Variants in PTPRG observed in about 807,000 individuals in gnomAD.
The protein encoded by PTPRG is receptor-type tyrosine-protein phosphatase gamma.
In PTPRG, 102 loss-of-function variants were observed where a neutral mutation model predicts 165.3. The observed-to-expected ratio is 0.62, with a 90% CI of 0.53 to 0.73. The LOEUF is 0.73. Among genes scored for constraint, PTPRG ranks in the 30% least tolerant of loss-of-function variants. The pLI, the probability that PTPRG is intolerant of heterozygous loss-of-function variation, is 0.00. For synonymous variants in PTPRG, 675 were observed against 669.5 expected (o/e 1.01, Z -0.13); for missense variants, 1,866 against 1,861.4 (o/e 1.00, Z -0.05).
intron 4 of PTPRG, among the ~76,000 whole-genome samples, chr3:62,056,715 G>T (rs1700647398): frequency 1.3e-5 from 2 of 152,120 alleles, no homozygotes. Context: ...TGTCCCCTGG[G>T]GTAATTACGA....
At chr3:61,982,031 A>G (rs1253803353) in intron 2 of PTPRG, among the ~76,000 whole-genome samples, 4 of 152,120 alleles carry the variant, frequency 2.6e-5, no homozygotes, top group Non-Finnish European at 4.4e-5. Flanking sequence ...CACCTTGCCC[A>G]GTGCTCTTTG....
At chr3:61,853,803 C>T (rs112721404) in intron 2 of PTPRG, among the ~76,000 whole-genome samples, 39 of 152,296 alleles carry the variant, frequency 2.6e-4, no homozygotes, top group African/African-American at 9.4e-4. Context: ...TTTGTTTTCT[C>T]CTCCAAGTTG....
intron 1 of PTPRG, among the ~76,000 whole-genome samples, chr3:61,566,469 AGCCTCTCC>A (rs534227576): frequency 8.5e-5 from 13 of 152,178 alleles, no homozygotes; most frequent in South Asian, 4.1e-4. Flanking sequence ...GTTACTCAGG[AGCCTCTCC>A]TACTCCCTTG....
At chr3:61,867,993 T>C (rs908378556) in intron 2 of PTPRG, among the ~76,000 whole-genome samples, 1 of 152,176 alleles carries the variant, frequency 6.6e-6, no homozygotes, top group African/African-American at 2.4e-5. Flanking sequence ...GTGTTCCTTA[T>C]AACCTTGGCC....
At chr3:61,963,062 G>A (rs704341) in intron 2 of PTPRG, among the ~76,000 whole-genome samples, 17,000 of 151,908 alleles carry the variant, frequency 0.11, 1,098 homozygotes, top group Non-Finnish European at 0.15. Flanking sequence ...ATTAGTTTTC[G>A]TTTATCCTTC....
At chr3:61,836,217 A>T (rs915533344) in intron 2 of PTPRG, among the ~76,000 whole-genome samples, 4 of 152,140 alleles carry the variant, frequency 2.6e-5, no homozygotes, top group Admixed American at 6.5e-5. Context: ...TTCTCTTTCC[A>T]AACCATTGTT....
rs561924711 is a variant in PTPRG at position 61,789,981 on chromosome 3, G to A, written c.190+40999G>A. Among the ~76,000 whole-genome samples, 37 of 152,338 alleles carry A rather than the reference G, an allele frequency of 2.4e-4. No homozygotes were observed. The Middle Eastern group carries it at 0.01, about 42-fold the overall frequency. ...CACATGATTTAGTGCTTCATTTTCA[G>A]CAGCTGTTTCCTGGTACCATCAGGG... On this transcript the variant is annotated intron_variant, in intron 2 of 29. Coordinates refer to ENST00000474889, the MANE Select transcript of PTPRG (RefSeq NM_002841.4).
chr3:61,935,976 A>G (rs570128907), intron 2 of PTPRG, among the ~76,000 whole-genome samples: 5 of 152,198 alleles, frequency 3.3e-5, no homozygotes, highest in Non-Finnish European at 5.9e-5. Flanking sequence ...GGTCATGAGG[A>G]CTTTGCCCTC....
chr3:62,088,673 A>T (rs918382623), intron 5 of PTPRG, among the ~76,000 whole-genome samples: 1 of 152,246 alleles, frequency 6.6e-6, no homozygotes, highest in African/African-American at 2.4e-5. Flanking sequence ...AAAAGTAAAC[A>T]GAGGTAAGAA....
At chr3:62,265,896 T>TATATACACACACACACACACAC (rs1553662684) in intron 17 of PTPRG, among the ~76,000 whole-genome samples, 3,417 of 130,546 alleles carry the variant, frequency 0.026, 68 homozygotes, top group East Asian at 0.038. Context: ...GTGCCTTATA[T>TATATACACACACACACACACAC]ACACACACAC....
intron 20 of PTPRG, among the ~76,000 whole-genome samples, chr3:62,270,110 A>C (rs2148871012): frequency 6.6e-6 from 1 of 152,310 alleles, no homozygotes; most frequent in Middle Eastern, 3.4e-3. Flanking sequence ...TGTATTAAGA[A>C]CTGTAAATAG....
At chr3:61,971,120 T>C (rs1439544732) in intron 2 of PTPRG, among the ~76,000 whole-genome samples, 5 of 152,198 alleles carry the variant, frequency 3.3e-5, no homozygotes, top group Non-Finnish European at 7.3e-5. Context: ...TGGTGCAATC[T>C]CAGCCAACTG....
At chr3:61,775,707 GA>G (rs1414758494) in intron 2 of PTPRG, among the ~76,000 whole-genome samples, 4 of 152,034 alleles carry the variant, frequency 2.6e-5, no homozygotes, top group African/African-American at 9.7e-5. Context: ...ACTGGATTAA[GA>G]AAATGTGGCA....
At chr3:61,580,644 A>G (rs573685666) in intron 1 of PTPRG, among the ~76,000 whole-genome samples, 1 of 152,284 alleles carries the variant, frequency 6.6e-6, no homozygotes, top group African/African-American at 2.4e-5. Context: ...CATCTGATTT[A>G]TGGTTGATAA....
chr3:62,052,039 A>T (rs1204460377), intron 4 of PTPRG, among the ~76,000 whole-genome samples: 1 of 152,192 alleles, frequency 6.6e-6, no homozygotes, highest in Admixed American at 6.5e-5. Flanking sequence ...AAAAGGATCT[A>T]ATCAGATCTG....
intron 1 of PTPRG, among the ~76,000 whole-genome samples, chr3:61,567,488 A>G (rs1456704458): frequency 6.6e-6 from 1 of 151,974 alleles, no homozygotes; most frequent in Non-Finnish European, 1.5e-5. Context: ...CCAGGGCAAC[A>G]TAGGGAGACC....
intron 2 of PTPRG, among the ~76,000 whole-genome samples, chr3:61,878,743 A>G (rs912730289): frequency 3.9e-5 from 6 of 152,166 alleles, no homozygotes; most frequent in African/African-American, 1.4e-4. Flanking sequence ...GGCTCAAGCC[A>G]TCCTACCTCC....
intron 2 of PTPRG, among the ~76,000 whole-genome samples, chr3:61,798,704 TGTC>T (rs1407154050): frequency 6.6e-6 from 1 of 151,906 alleles, no homozygotes; most frequent in Non-Finnish European, 1.5e-5. Context: ...GTGAAGGTCT[TGTC>T]TTTTCATCTG....
chr3:61,582,024 G>A (rs1196666894), intron 1 of PTPRG, among the ~76,000 whole-genome samples: 1 of 152,056 alleles, frequency 6.6e-6, no homozygotes, highest in Non-Finnish European at 1.5e-5. Flanking sequence ...CTGGAGTGCA[G>A]TGGCGTGATC....
Sources: gnomAD v4.1 joint callset for allele counts (sites outside exome capture counted in the v4.1 genomes callset) on GRCh38, gnomAD v4.1.1 for gene constraint, MANE v1.5 for transcripts, NCBI Gene and HGNC (gene_info 2026-07-23, HGNC 2026-07-21) for gene names.